MBD5: variants seen among roughly 807,000 people sequenced by gnomAD.
MBD5 encodes the protein methyl-CpG-binding domain protein 5.
A neutral mutation model predicts 117.3 loss-of-function variants in MBD5; 13 were observed. The ratio of observed to expected loss-of-function variants is 0.11; its 90% CI spans 0.07 to 0.18. The LOEUF is 0.18. MBD5 is among the 10% of genes least tolerant of loss of function. The pLI is 1.00. For missense variants in MBD5, 1,879 were observed against 2,093.8 expected, an observed-to-expected ratio of 0.90 and a Z score of 2.00; for synonymous variants, 727 against 766.4, an observed-to-expected ratio of 0.95 and a Z score of 0.85.
At chr2:148,467,707 C>T (rs1384951281) in intron 7 of MBD5, among the ~76,000 whole-genome samples, 1 of 152,080 alleles carries the variant, frequency 6.6e-6, no homozygotes, top group Non-Finnish European at 1.5e-5. Flanking sequence ...TTATTACTCC[C>T]ATTATAAAAG....
chr2:148,490,482 A>C lies in MBD5; in HGVS notation c.4850A>C (p.Asn1617Thr), dbSNP rs753754490. 1 of 1,614,208 alleles carries C rather than the reference A, an allele frequency of 6.2e-7. No individual in the cohort carries two copies. The change falls in exon 11 of 14, where the codon AAT becomes ACT. Residue 1617 changes from asparagine (N) to threonine (T), a missense_variant. Coordinates refer to ENST00000642680, the MANE Select transcript of MBD5 (RefSeq NM_001378120.1). Reference protein sequence around the residue: ...ELIHYRPRTFNVGDLVWGQIK... With the variant: ...ELIHYRPRTFTVGDLVWGQIK... ...ATACATTATAGACCAAGGACGTTCA[A>C]TGTTGGCGACTTGGTCTGGGGCCAA...
Position 148,126,240 on chromosome 2 carries a change from A to AC in MBD5, c.-924-52460_-924-52459insC, listed in dbSNP as rs1491310774. Among the ~76,000 whole-genome samples, 458 of 45,964 alleles carry AC rather than the reference A, an allele frequency of 1.0e-2. 1 individual carries two copies. The highest frequency in any genetic ancestry group is 0.018 in the East Asian group (21 of 1,176). 30.2% of individuals were successfully genotyped at this position (45,964 alleles called of 152,430 possible). A position where few individuals can be genotyped will look rare whatever the true frequency, so the allele number is the denominator to read the frequency against. ...GTGAAACCTCGTTTCTACTAAAAAT[A>AC]AAAAAAAAAAAAAATTTAGCTGGGC... On this transcript the variant is annotated intron_variant, in intron 1 of 13. Transcript: ENST00000642680.
At chr2:148,350,758 A>G (rs149365566) in intron 4 of MBD5, among the ~76,000 whole-genome samples, 6 of 152,066 alleles carry the variant, frequency 3.9e-5, no homozygotes, top group African/African-American at 9.6e-5. Context: ...TCTAGGATTG[A>G]GCATTGCAGT....
chr2:148,165,703 T>A (rs1056574192), intron 1 of MBD5, among the ~76,000 whole-genome samples: 3 of 152,144 alleles, frequency 2.0e-5, no homozygotes, highest in Admixed American at 2.0e-4. Context: ...AATATCTATG[T>A]CTATATCTGC....
chr2:148,206,080 G>A (rs568192811), intron 2 of MBD5, among the ~76,000 whole-genome samples: 41 of 150,958 alleles, frequency 2.7e-4, no homozygotes, highest in Non-Finnish European at 4.7e-4. Context: ...CCGAGATCGC[G>A]TCACTGCACT....
chr2:148,086,068 T>G (rs1178332629), intron 1 of MBD5, among the ~76,000 whole-genome samples: 1 of 152,166 alleles, frequency 6.6e-6, no homozygotes, highest in Non-Finnish European at 1.5e-5. Flanking sequence ...CTGATGCGTG[T>G]GATTCTCAAG....
At chr2:148,306,425 G>T (rs1470721124) in intron 3 of MBD5, among the ~76,000 whole-genome samples, 3 of 152,110 alleles carry the variant, frequency 2.0e-5, no homozygotes, top group African/African-American at 7.2e-5. Context: ...AATGTTTCCA[G>T]CTCTGTCCTG....
intron 3 of MBD5, among the ~76,000 whole-genome samples, chr2:148,323,312 G>C (rs1702341625): frequency 1.3e-5 from 2 of 152,094 alleles, no homozygotes; most frequent in Non-Finnish European, 2.9e-5. Context: ...ACATATGTGT[G>C]CATGTGTCTT....
chr2:148,414,536 A>C (rs2105210679), intron 4 of MBD5, among the ~76,000 whole-genome samples: 1 of 152,214 alleles, frequency 6.6e-6, no homozygotes, highest in East Asian at 1.9e-4. Flanking sequence ...CTCCTTGGTG[A>C]TCTGCCTAGT....
chr2:148,381,593 A>G (rs1456327487), intron 4 of MBD5, among the ~76,000 whole-genome samples: 1 of 152,214 alleles, frequency 6.6e-6, no homozygotes, highest in Non-Finnish European at 1.5e-5. Context: ...ATTCAAATTC[A>G]GGAAATACAG....
chr2:148,131,916 T>C lies in MBD5; in HGVS notation c.-924-46784T>C, dbSNP rs1031645519. Among the ~76,000 whole-genome samples, 12 of 152,188 alleles carry C rather than the reference T, an allele frequency of 7.9e-5. 1 individual carries two copies. The highest frequency in any genetic ancestry group is 5.2e-4 in the Admixed American group (8 of 15,276). On this transcript the variant is annotated intron_variant, in intron 1 of 13. Coordinates refer to ENST00000642680, the MANE Select transcript of MBD5 (RefSeq NM_001378120.1). ...CTTCACCTAAGGGGTGTGTGTGTTTTCATGTGTGTGCTTTTTTGAATGCTA... is the reference window on the plus strand; with the variant it reads ...CTTCACCTAAGGGGTGTGTGTGTTTCCATGTGTGTGCTTTTTTGAATGCTA...
intron 4 of MBD5, among the ~76,000 whole-genome samples, chr2:148,435,950 C>T (rs1458134100): frequency 6.6e-6 from 1 of 152,162 alleles, no homozygotes; most frequent in Non-Finnish European, 1.5e-5. Context: ...AGAGAGTGTC[C>T]TCTGTAGTTC....
rs984132162 is a variant in MBD5, at chr2:148,515,685, G to A, written c.*2744G>A. The stretch of plus-strand genomic sequence containing the variant: ...TAAACTTTTTAAGAAACAAATCCAA[G>A]AATGGAAACAGATGAAAAATTTTTT... On this transcript the variant is annotated 3_prime_UTR_variant, in exon 14 of 14. Coordinates refer to ENST00000642680, the MANE Select transcript of MBD5 (RefSeq NM_001378120.1). 2 of 152,012 alleles carry A rather than the reference G, an allele frequency of 1.3e-5. No individual in the cohort carries two copies. The highest frequency in any genetic ancestry group is 4.8e-5 in the African/African-American group (2 of 41,386). The allele number at this position is 152,012 out of a possible 1,614,324, so 9.4% of individuals were successfully genotyped here. A position where few individuals can be genotyped will look rare whatever the true frequency, so the allele number is the denominator to read the frequency against.
At chr2:148,132,339 T>C in intron 1 of MBD5, among the ~76,000 whole-genome samples, 1 of 147,436 alleles carries the variant, frequency 6.8e-6, no homozygotes, top group East Asian at 2.0e-4. Context: ...TACATATATA[T>C]ATATATATAT....
chr2:148,324,364 T>G (rs529770238), intron 3 of MBD5, among the ~76,000 whole-genome samples: 4 of 152,202 alleles, frequency 2.6e-5, no homozygotes, highest in Non-Finnish European at 4.4e-5. Flanking sequence ...TTTTTTCCAA[T>G]TCTGTGAAGA....
chr2:148,048,245 C>T (rs1420212246), intron 1 of MBD5, among the ~76,000 whole-genome samples: 1 of 152,120 alleles, frequency 6.6e-6, no homozygotes, highest in African/African-American at 2.4e-5. Context: ...ATGCCTGGTC[C>T]GTCTCAGTAG....
At chr2:148,148,712 G>C (rs1197016608) in intron 1 of MBD5, among the ~76,000 whole-genome samples, 2 of 151,788 alleles carry the variant, frequency 1.3e-5, no homozygotes, top group African/African-American at 4.8e-5. Flanking sequence ...AAATTCTCTT[G>C]ATCCCTTATA....
chr2:148,416,776 C>A (rs1705433295), intron 4 of MBD5, among the ~76,000 whole-genome samples: 1 of 152,084 alleles, frequency 6.6e-6, no homozygotes, highest in South Asian at 2.1e-4. Context: ...CTCCCCCACC[C>A]TCCCTCATCT....
At chr2:148,212,676 A>G (rs950231252) in intron 2 of MBD5, among the ~76,000 whole-genome samples, 1 of 152,212 alleles carries the variant, frequency 6.6e-6, no homozygotes, top group Non-Finnish European at 1.5e-5. Context: ...GTTCTAAAAC[A>G]CTGTGATTTT....
Sources: allele counts gnomAD v4.1 joint callset (sites outside exome capture counted in the v4.1 genomes callset), GRCh38; gene constraint gnomAD v4.1.1; transcripts MANE v1.5; gene names NCBI Gene and HGNC (gene_info 2026-07-23, HGNC 2026-07-21).